ZBTB20: variants seen among roughly 807,000 people sequenced by gnomAD.
The protein encoded by ZBTB20 is zinc finger and BTB domain-containing protein 20.
Under a neutral mutation model 56.9 loss-of-function variants are expected in ZBTB20, and 9 were observed. That is an observed-to-expected ratio of 0.16 (90% CI 0.10 to 0.28). The LOEUF (loss-of-function observed/expected upper bound fraction) is 0.28. Ranked by LOEUF, ZBTB20 falls within the 10% of genes least tolerant of loss-of-function variation. The pLI is 1.00. For missense variants in ZBTB20, 655 were observed against 1,003.0 expected (o/e 0.65, Z 4.69); for synonymous variants, 417 against 420.7 (o/e 0.99, Z 0.11).
chr3:115,066,719 C>T (rs1365041697), intron 2 of ZBTB20, among the ~76,000 whole-genome samples: 2 of 152,072 alleles, frequency 1.3e-5, no homozygotes, highest in Non-Finnish European at 2.9e-5. Flanking sequence ...TCTTCATCTC[C>T]TGTGGCTCTT....
At chr3:115,019,212 T>C (rs375402737) in intron 2 of ZBTB20, among the ~76,000 whole-genome samples, 1 of 151,342 alleles carries the variant, frequency 6.6e-6, no homozygotes, top group African/African-American at 2.4e-5. Context: ...CTGCCCTTCA[T>C]CTTGACAGAG....
intron 7 of ZBTB20, among the ~76,000 whole-genome samples, chr3:114,446,064 A>G (rs1387854020): frequency 6.6e-6 from 1 of 152,162 alleles, no homozygotes; most frequent in Admixed American, 6.6e-5. Flanking sequence ...GTATGTAGAA[A>G]CAAATAAATG....
At chr3:115,051,539 G>A (rs1204538620) in intron 2 of ZBTB20, among the ~76,000 whole-genome samples, 1 of 152,086 alleles carries the variant, frequency 6.6e-6, no homozygotes, top group Non-Finnish European at 1.5e-5. Context: ...AAGAGCTGTT[G>A]ATTAGTAAAT....
At chr3:114,451,460 A>G (rs1224070484) in intron 7 of ZBTB20, among the ~76,000 whole-genome samples, 1 of 152,148 alleles carries the variant, frequency 6.6e-6, no homozygotes, top group African/African-American at 2.4e-5. Flanking sequence ...CCCCCCAAAA[A>G]GCCTAGAATG....
At chr3:115,015,896 C>T (rs1388679925) in intron 2 of ZBTB20, among the ~76,000 whole-genome samples, 1 of 151,926 alleles carries the variant, frequency 6.6e-6, no homozygotes, top group Non-Finnish European at 1.5e-5. Context: ...AATCTCCACA[C>T]TGTCTTCCAC....
At chr3:114,764,446 T>C (rs1452986299) in intron 5 of ZBTB20, among the ~76,000 whole-genome samples, 4 of 152,150 alleles carry the variant, frequency 2.6e-5, no homozygotes, top group Non-Finnish European at 4.4e-5. Flanking sequence ...CTACCCTTGA[T>C]AGGTTAGCAG....
At chr3:114,853,165 C>A (rs1022914321) in intron 4 of ZBTB20, among the ~76,000 whole-genome samples, 3 of 152,234 alleles carry the variant, frequency 2.0e-5, no homozygotes, top group African/African-American at 7.2e-5. Flanking sequence ...TCCTCATTCA[C>A]TGCCACCTCC....
At chr3:114,862,687 T>A (rs966092689) in intron 4 of ZBTB20, among the ~76,000 whole-genome samples, 1 of 152,106 alleles carries the variant, frequency 6.6e-6, no homozygotes, top group African/African-American at 2.4e-5. Context: ...GTAGTGAGGG[T>A]TCAGTTGGTA....
intron 4 of ZBTB20, among the ~76,000 whole-genome samples, chr3:114,837,600 C>T (rs1333041130): frequency 6.6e-6 from 1 of 152,100 alleles, no homozygotes; most frequent in African/African-American, 2.4e-5. Flanking sequence ...TCACACAGGG[C>T]TACTTCATGA....
chr3:114,980,429 T>C (rs1359854921), intron 2 of ZBTB20, among the ~76,000 whole-genome samples: 2 of 151,992 alleles, frequency 1.3e-5, no homozygotes, highest in Non-Finnish European at 2.9e-5. Context: ...TATTTAGCCA[T>C]TTTAGTAAAA....
In ZBTB20 at chr3:114,920,666, A is replaced by G. The variant is rs544950880; in HGVS notation, c.-455-20324T>C. 9.9e-5 allele frequency among the ~76,000 whole-genome samples: 15 copies of G among 152,268 alleles called. No homozygotes were observed. The South Asian group carries it at 2.9e-3, about 29-fold the overall frequency. On this transcript the variant is annotated intron_variant, in intron 3 of 11. Transcript: ENST00000675478. ...ACATTAATAAAAGAAGAAAAATCTC[A>G]AACAACTTAACTTCACACCTCAAAA...
At chr3:115,099,618 T>G (rs2083505177) in intron 1 of ZBTB20, among the ~76,000 whole-genome samples, 1 of 152,154 alleles carries the variant, frequency 6.6e-6, no homozygotes, top group African/African-American at 2.4e-5. Flanking sequence ...ATAAACATGC[T>G]GGCAAAAAGT....
At chr3:114,446,837 G>T (rs1217655835) in intron 7 of ZBTB20, among the ~76,000 whole-genome samples, 1 of 152,124 alleles carries the variant, frequency 6.6e-6, no homozygotes, top group Non-Finnish European at 1.5e-5. Flanking sequence ...TTTTAAAAAT[G>T]CTATTTCTTT....
chr3:114,404,084 T>G (rs1475758557), intron 7 of ZBTB20, among the ~76,000 whole-genome samples: 2 of 152,206 alleles, frequency 1.3e-5, no homozygotes, highest in Non-Finnish European at 2.9e-5. Flanking sequence ...CAGTTTGCAG[T>G]GAGTATTAGG....
At chr3:114,666,610 G>A (rs936234530) in intron 6 of ZBTB20, among the ~76,000 whole-genome samples, 1 of 152,042 alleles carries the variant, frequency 6.6e-6, no homozygotes, top group Admixed American at 6.6e-5. Context: ...TAAGAACAGT[G>A]ATCCTATATA....
chr3:114,915,850 C>T (rs185174689), intron 3 of ZBTB20, among the ~76,000 whole-genome samples: 1 of 152,120 alleles, frequency 6.6e-6, no homozygotes, highest in Admixed American at 6.5e-5. Context: ...TGTTTAATTT[C>T]CATGTGTCTG....
intron 2 of ZBTB20, among the ~76,000 whole-genome samples, chr3:114,979,238 G>T (rs977965728): frequency 2.5e-4 from 38 of 151,906 alleles, no homozygotes; most frequent in Non-Finnish European, 4.7e-4. Flanking sequence ...TTTTACAAGA[G>T]AAAATAGATG....
At chr3:114,712,898 C>A (rs1355118856) in intron 5 of ZBTB20, among the ~76,000 whole-genome samples, 1 of 152,090 alleles carries the variant, frequency 6.6e-6, no homozygotes, top group Non-Finnish European at 1.5e-5. Context: ...TTTCCGTGTT[C>A]AAACAGAGAA....
intron 2 of ZBTB20, among the ~76,000 whole-genome samples, chr3:114,992,504 TG>T (rs2078858227): frequency 6.6e-6 from 1 of 151,946 alleles, no homozygotes; most frequent in African/African-American, 2.4e-5. Context: ...GGGAAATCTC[TG>T]GGTGTCAGAC....
Sources: gnomAD v4.1 joint callset for allele counts (sites outside exome capture counted in the v4.1 genomes callset) on GRCh38, gnomAD v4.1.1 for gene constraint, MANE v1.5 for transcripts, NCBI Gene and HGNC (gene_info 2026-07-23, HGNC 2026-07-21) for gene names.